The following HECW1 variants were observed in gnomAD, a reference collection of about 807,000 sequenced individuals.
The protein encoded by HECW1 is HECT, C2 and WW domain containing E3 ubiquitin protein ligase 1, also known as E3 ubiquitin-protein ligase HECW1.
Under a neutral mutation model 182.3 loss-of-function variants are expected in HECW1, and 61 were observed. That is an observed-to-expected ratio of 0.33 (90% CI 0.27 to 0.41). The LOEUF (loss-of-function observed/expected upper bound fraction) is 0.41. HECW1 is among the 10% of genes least tolerant of loss of function. The pLI is 1.00. For synonymous variants in HECW1, 859 were observed against 832.6 expected (o/e 1.03, Z -0.55); for missense variants, 1,739 against 2,108.9 (o/e 0.82, Z 3.44).
At chr7:43,527,654 A>G (rs903614239) in intron 24 of HECW1, among the ~76,000 whole-genome samples, 3 of 152,216 alleles carry the variant, frequency 2.0e-5, no homozygotes, top group Admixed American at 2.0e-4. Context: ...GGATATGGGC[A>G]TATCTTGTGG....
At chr7:43,263,791 A>G (rs1364235807) in intron 3 of HECW1, among the ~76,000 whole-genome samples, 1 of 152,328 alleles carries the variant, frequency 6.6e-6, no homozygotes, top group South Asian at 2.1e-4. Context: ...AAGAGAAAGA[A>G]GAAGAGGCTG....
At chr7:43,462,790 A>G (rs1057163049) in intron 13 of HECW1, among the ~76,000 whole-genome samples, 2 of 152,116 alleles carry the variant, frequency 1.3e-5, no homozygotes, top group African/African-American at 4.8e-5. Flanking sequence ...GCTTTTGTAC[A>G]TGTTGTTTCT....
intron 24 of HECW1, among the ~76,000 whole-genome samples, chr7:43,539,998 T>C (rs148692173): frequency 0.014 from 2,100 of 152,312 alleles, 24 homozygotes; most frequent in Non-Finnish European, 0.021. Flanking sequence ...CCCATAGCAC[T>C]TTCACTGAGG....
chr7:43,533,040 G>A (rs916057356), intron 24 of HECW1, among the ~76,000 whole-genome samples: 3 of 152,118 alleles, frequency 2.0e-5, no homozygotes, highest in Non-Finnish European at 4.4e-5. Context: ...TCTCAAGAGA[G>A]GTTGATTTTG....
At chr7:43,345,505 G>C (rs537399409) in intron 5 of HECW1, among the ~76,000 whole-genome samples, 45 of 152,122 alleles carry the variant, frequency 3.0e-4, no homozygotes, top group Non-Finnish European at 5.9e-4. Flanking sequence ...CTTTAGTGGT[G>C]ATTTGTGAGA....
intron 24 of HECW1, among the ~76,000 whole-genome samples, chr7:43,525,161 A>T (rs1346256796): frequency 2.0e-5 from 3 of 152,260 alleles, no homozygotes; most frequent in Non-Finnish European, 2.9e-5. Flanking sequence ...GCACTCTAGT[A>T]ACAATATCAA....
chr7:43,321,572 T>G (rs1385151511), intron 5 of HECW1, among the ~76,000 whole-genome samples: 1 of 152,218 alleles, frequency 6.6e-6, no homozygotes, highest in East Asian at 1.9e-4. Context: ...AGTGATTTCA[T>G]GGACAAACTT....
chr7:43,200,553 C>T (rs1434205985), intron 2 of HECW1, among the ~76,000 whole-genome samples: 1 of 152,218 alleles, frequency 6.6e-6, no homozygotes, highest in African/African-American at 2.4e-5. Context: ...TGTGCTGAGA[C>T]AGCCATCCCA....
chr7:43,138,774 G>A (rs17641812), intron 2 of HECW1, among the ~76,000 whole-genome samples: 8,381 of 152,278 alleles, frequency 0.055, 318 homozygotes, highest in Non-Finnish European at 0.079. Context: ...AACTGTTTTA[G>A]GATGAAAATA....
At chr7:43,132,534 C>A (rs972544647) in intron 2 of HECW1, among the ~76,000 whole-genome samples, 2 of 151,894 alleles carry the variant, frequency 1.3e-5, no homozygotes, top group Non-Finnish European at 2.9e-5. Flanking sequence ...CTCTCTCTCT[C>A]TTTCTCTCTT....
At chr7:43,272,063 C>A (rs562526836) in intron 3 of HECW1, among the ~76,000 whole-genome samples, 33 of 152,070 alleles carry the variant, frequency 2.2e-4, no homozygotes, top group African/African-American at 7.5e-4. Context: ...GTCATGTAAT[C>A]TCCAACAAAA....
At chr7:43,266,990 C>A (rs1399170595) in intron 3 of HECW1, among the ~76,000 whole-genome samples, 1 of 152,138 alleles carries the variant, frequency 6.6e-6, no homozygotes, top group African/African-American at 2.4e-5. Context: ...ATCCTCTACA[C>A]TCCTAATAGT....
At chr7:43,305,585 T>C (rs922713861) in intron 3 of HECW1, among the ~76,000 whole-genome samples, 1 of 150,646 alleles carries the variant, frequency 6.6e-6, no homozygotes. Flanking sequence ...TGGATAGTGT[T>C]TTGTTGTTGT....
At chr7:43,125,397 G>A (rs1052254628) in intron 2 of HECW1, among the ~76,000 whole-genome samples, 1 of 152,166 alleles carries the variant, frequency 6.6e-6, no homozygotes. Context: ...AGAATGAAAA[G>A]TAGCGGGTAG....
chr7:43,478,388 C>G (rs2078295589), intron 16 of HECW1, among the ~76,000 whole-genome samples: 1 of 152,116 alleles, frequency 6.6e-6, no homozygotes, highest in Non-Finnish European at 1.5e-5. Flanking sequence ...TGCACTCCAG[C>G]CTGGGTGACA....
At chr7:43,145,711 C>T (rs2152637976) in intron 2 of HECW1, among the ~76,000 whole-genome samples, 1 of 152,304 alleles carries the variant, frequency 6.6e-6, no homozygotes, top group South Asian at 2.1e-4. Context: ...GAGATAATTT[C>T]AAACTCTCTG....
chr7:43,508,734 G>T (rs2079712212), intron 23 of HECW1: 1 of 533,532 alleles, frequency 1.9e-6, no homozygotes, highest in African/African-American at 1.9e-5. Context: ...AAGGAAAGCT[G>T]CCATAAGAGT....
chr7:43,137,507 C>T, intron 2 of HECW1, among the ~76,000 whole-genome samples: 1 of 149,434 alleles, frequency 6.7e-6, no homozygotes, highest in South Asian at 2.2e-4. Context: ...ATCTTTTCTG[C>T]CTGGAATGCT....
intron 29 of HECW1, 23 bp downstream of exon 29, chr7:43,554,813 C>A: frequency 6.2e-7 from 1 of 1,604,424 alleles, no homozygotes; most frequent in South Asian, 1.1e-5. Flanking sequence ...TGCCAGCCTT[C>A]GGGGAAACCT....
Sources: gnomAD v4.1 joint callset for allele counts (sites outside exome capture counted in the v4.1 genomes callset) on GRCh38, gnomAD v4.1.1 for gene constraint, MANE v1.5 for transcripts, NCBI Gene and HGNC (gene_info 2026-07-23, HGNC 2026-07-21) for gene names.